Variants in JAKMIP2 observed in about 807,000 individuals in gnomAD.
JAKMIP2 encodes janus kinase and microtubule interacting protein 2.
In JAKMIP2, 25 loss-of-function variants were observed where a neutral mutation model predicts 115.0. The observed-to-expected ratio is 0.22, with a 90% CI of 0.16 to 0.30. JAKMIP2 has a LOEUF of 0.30. Ranked by LOEUF, JAKMIP2 falls within the 10% of genes least tolerant of loss-of-function variation. The pLI is 1.00. For synonymous variants in JAKMIP2, 334 were observed against 343.6 expected, an observed-to-expected ratio of 0.97 and a Z score of 0.31; for missense variants, 642 against 957.6, an observed-to-expected ratio of 0.67 and a Z score of 4.35.
intron 3 of JAKMIP2, among the ~76,000 whole-genome samples, chr5:147,657,164 C>T (rs750259106): frequency 1.1e-4 from 17 of 152,108 alleles, no homozygotes; most frequent in Non-Finnish European, 1.8e-4. Flanking sequence ...CCTGTAGTCC[C>T]GGCTATTCGG....
At chr5:147,604,018 G>T (rs1257874058) in intron 20 of JAKMIP2, among the ~76,000 whole-genome samples, 1 of 152,118 alleles carries the variant, frequency 6.6e-6, no homozygotes, top group Non-Finnish European at 1.5e-5. Context: ...CCTTGAGCCA[G>T]CCCTAGGGTA....
chr5:147,730,170 TGGGTG>T (rs1561564039), intron 1 of JAKMIP2, among the ~76,000 whole-genome samples: 1 of 152,142 alleles, frequency 6.6e-6, no homozygotes, highest in Non-Finnish European at 1.5e-5. Flanking sequence ...TGTTTAACCG[TGGGTG>T]AAGCCTGAGT....
chr5:147,641,629 T>C (rs1205399362), intron 8 of JAKMIP2, 79 bp downstream of exon 8: 11 of 999,980 alleles, frequency 1.1e-5, no homozygotes, highest in Non-Finnish European at 1.7e-5. Context: ...TCATCACATC[T>C]TTGTAGGAAG....
chr5:147,720,918 A>T (rs2126941079), intron 1 of JAKMIP2, among the ~76,000 whole-genome samples: 3 of 150,952 alleles, frequency 2.0e-5, no homozygotes, highest in Admixed American at 6.6e-5. Context: ...GGAGGAGGAG[A>T]GGCGCTCTGC....
chr5:147,649,510 A>G (rs1034219061), intron 4 of JAKMIP2, among the ~76,000 whole-genome samples: 19 of 152,158 alleles, frequency 1.2e-4, no homozygotes, highest in African/African-American at 4.1e-4. Flanking sequence ...TTTGAACCAA[A>G]GAGTCTGACT....
chr5:147,776,103 G>C (rs1755544369), intron 1 of JAKMIP2, among the ~76,000 whole-genome samples: 1 of 151,994 alleles, frequency 6.6e-6, no homozygotes, highest in Non-Finnish European at 1.5e-5. Flanking sequence ...CAGATGACTG[G>C]GGTTTTATTT....
chr5:147,734,652 C>CA (rs199523482), intron 1 of JAKMIP2, among the ~76,000 whole-genome samples: 3,677 of 140,054 alleles, frequency 0.026, 100 homozygotes, highest in East Asian at 0.11. Context: ...TACTATAATA[C>CA]AAAAAAAAAA....
At chr5:147,602,526 A>G (rs185094091) in intron 20 of JAKMIP2, among the ~76,000 whole-genome samples, 1 of 152,178 alleles carries the variant, frequency 6.6e-6, no homozygotes, top group East Asian at 1.9e-4. Flanking sequence ...TCCAAGATAG[A>G]CTTCTTCTTA....
rs1755027621 is a variant in JAKMIP2 at position 147,589,772 on chromosome 5, A to C, written c.*1935T>G. On this transcript the variant is annotated 3_prime_UTR_variant, in exon 22 of 22. Coordinates refer to ENST00000616793, the MANE Select transcript of JAKMIP2 (RefSeq NM_001270941.2). ...TTGAATCTCTCAATTTTTATTGCTA[A>C]TAATGTCCCAAGTAGCTTGATAAGC... The C allele has an allele frequency of 6.6e-6, 1 of 152,208 alleles. No homozygotes were observed. The allele number at this position is 152,208 out of a possible 1,614,324, so 9.4% of individuals were successfully genotyped here.
rs78469403 is a variant in JAKMIP2 at position 147,652,460 on chromosome 5, G to A, written c.628-1913C>T. On this transcript the variant is annotated intron_variant, in intron 3 of 21. Transcript: ENST00000616793. ...TGAAAATCAACCAAAGCCCTACTTA[G>A]ATGGGAAAGGGTATAAACCAGAATT... 1.0e-3 allele frequency among the ~76,000 whole-genome samples: 153 copies of A among 152,256 alleles called. 1 individual carries two copies. Among genetic ancestry groups the A allele is most frequent in the Middle Eastern group, 3.4e-3 (1 of 294 alleles).
intron 1 of JAKMIP2, among the ~76,000 whole-genome samples, chr5:147,692,098 A>G (rs1448606589): frequency 6.6e-6 from 1 of 152,002 alleles, no homozygotes; most frequent in Non-Finnish European, 1.5e-5. Flanking sequence ...ATGTCACCTT[A>G]CTTGGAAATA....
At chr5:147,611,058 T>A (rs1435055983) in intron 20 of JAKMIP2, among the ~76,000 whole-genome samples, 1 of 152,068 alleles carries the variant, frequency 6.6e-6, no homozygotes, top group Non-Finnish European at 1.5e-5. Context: ...CACCCCAGGT[T>A]GACTTCAGAC....
intron 1 of JAKMIP2, among the ~76,000 whole-genome samples, chr5:147,717,770 T>C (rs1443515999): frequency 7.1e-6 from 1 of 141,286 alleles, no homozygotes; most frequent in Non-Finnish European, 1.5e-5. Flanking sequence ...GTTTTCTAGA[T>C]ATACAATCAT....
intron 1 of JAKMIP2, among the ~76,000 whole-genome samples, chr5:147,734,146 A>T (rs980231323): frequency 3.9e-5 from 6 of 152,168 alleles, no homozygotes; most frequent in Non-Finnish European, 8.8e-5. Context: ...CAATAAACAT[A>T]TGAAAAAAAG....
intron 1 of JAKMIP2, among the ~76,000 whole-genome samples, chr5:147,704,618 G>A (rs1002931976): frequency 6.6e-6 from 1 of 152,124 alleles, no homozygotes; most frequent in Admixed American, 6.6e-5. Flanking sequence ...TCTCCCAGAA[G>A]ATTAAATTAG....
In JAKMIP2 at chr5:147,636,212, C is replaced by A. The variant is rs202122080; in HGVS notation, c.1677+10G>T. 193 of 1,610,294 alleles carry A rather than the reference C, an allele frequency of 1.2e-4. No homozygotes were observed. The highest frequency in any genetic ancestry group is 1.5e-4 in the Non-Finnish European group (173 of 1,176,730). ...TCCTCTGCCCCGCTAGGGTGTTGTG[C>A]CCAACATACCTTTTCTAAAAGCTCC... On this transcript the variant is annotated intron_variant, in intron 12 of 21. Transcript: ENST00000616793.
chr5:147,664,231 C>A (rs771740538), intron 2 of JAKMIP2, among the ~76,000 whole-genome samples: 2 of 152,146 alleles, frequency 1.3e-5, no homozygotes, highest in Non-Finnish European at 2.9e-5. Flanking sequence ...TTTGGTGAAC[C>A]TAGCTTTTCC....
chr5:147,725,796 G>A (rs535456798), intron 1 of JAKMIP2, among the ~76,000 whole-genome samples: 1 of 152,218 alleles, frequency 6.6e-6, no homozygotes, highest in South Asian at 2.1e-4. Flanking sequence ...AAATGGATTT[G>A]GCATAATGGG....
chr5:147,626,139 A>G (rs573406941), intron 16 of JAKMIP2, among the ~76,000 whole-genome samples: 20 of 152,302 alleles, frequency 1.3e-4, no homozygotes, highest in African/African-American at 4.6e-4. Flanking sequence ...AATTACTTGG[A>G]TGTAGAAACT....
Sources: allele counts gnomAD v4.1 joint callset (sites outside exome capture counted in the v4.1 genomes callset), GRCh38; gene constraint gnomAD v4.1.1; transcripts MANE v1.5; gene names NCBI Gene and HGNC (gene_info 2026-07-23, HGNC 2026-07-21).